The following TBC1D5 variants were observed in gnomAD, a reference collection of about 807,000 sequenced individuals.
The protein encoded by TBC1D5 is TBC1 domain family, member 5.
Under a neutral mutation model 100.3 loss-of-function variants are expected in TBC1D5, and 75 were observed. The observed-to-expected ratio is 0.75, with a 90% CI of 0.62 to 0.91. The LOEUF is 0.91. Among genes scored for constraint, TBC1D5 ranks in the 40% least tolerant of loss-of-function variants. The pLI is 0.00. For missense variants in TBC1D5, 910 were observed against 942.4 expected, an observed-to-expected ratio of 0.97 and a Z score of 0.45; for synonymous variants, 323 against 325.6, an observed-to-expected ratio of 0.99 and a Z score of 0.09.
chr3:17,522,533 G>A (rs2096074431), intron 2 of TBC1D5, among the ~76,000 whole-genome samples: 1 of 152,062 alleles, frequency 6.6e-6, no homozygotes, highest in Non-Finnish European at 1.5e-5. Flanking sequence ...GTCAAAGAAT[G>A]TTTCAAGACT....
At chr3:17,623,412 A>G (rs2062832258) in intron 2 of TBC1D5, among the ~76,000 whole-genome samples, 1 of 152,210 alleles carries the variant, frequency 6.6e-6, no homozygotes, top group Non-Finnish European at 1.5e-5. Context: ...ATCGGAAAAC[A>G]ATTAACTTTC....
chr3:17,365,905 T>C (rs1450257378), intron 13 of TBC1D5, among the ~76,000 whole-genome samples: 1 of 152,204 alleles, frequency 6.6e-6, no homozygotes, highest in Non-Finnish European at 1.5e-5. Context: ...AACTATTTAA[T>C]CTAAATAAGG....
rs555293100 is a variant in TBC1D5 at position 17,474,550 on chromosome 3, A to G, written c.97+33924T>C. Among the ~76,000 whole-genome samples, 25 of 152,286 alleles carry G rather than the reference A, an allele frequency of 1.6e-4. 1 individual carries two copies. In the South Asian group the frequency reaches 5.2e-3, roughly 32 times the overall value. On this transcript the variant is annotated intron_variant, in intron 3 of 21. Coordinates refer to ENST00000253692, the Ensembl canonical transcript of TBC1D5. ...AAAGCTGATATTCAAAAGTAAAAGAAATGAACAGCAACATAGAGAAAACAT... is the reference window on the plus strand; with the variant it reads ...AAAGCTGATATTCAAAAGTAAAAGAGATGAACAGCAACATAGAGAAAACAT...
chr3:17,631,854 G>A (rs1229591980), intron 1 of TBC1D5, among the ~76,000 whole-genome samples: 5 of 152,226 alleles, frequency 3.3e-5, no homozygotes, highest in Non-Finnish European at 2.9e-5. Context: ...CATTGACAAT[G>A]TGCCTGGCCA....
intron 13 of TBC1D5, among the ~76,000 whole-genome samples, chr3:17,361,677 A>G (rs2091728819): frequency 6.6e-6 from 1 of 152,088 alleles, no homozygotes; most frequent in South Asian, 2.1e-4. Context: ...GAAAAATTTA[A>G]AATATCTTGA....
intron 18 of TBC1D5, among the ~76,000 whole-genome samples, chr3:17,203,061 TCA>T (rs147946115): frequency 0.034 from 5,228 of 152,234 alleles, 292 homozygotes; most frequent in African/African-American, 0.12. Flanking sequence ...AATGCCACAG[TCA>T]CTAAATGCCA....
chr3:17,333,924 AGGGAGAATG>A (rs11279910), intron 13 of TBC1D5, among the ~76,000 whole-genome samples: 61,508 of 151,480 alleles, frequency 0.41, 13,032 homozygotes, highest in Middle Eastern at 0.49. Context: ...AGCAAGTAAC[AGGGAGAATG>A]GGCAAGGGTT....
intron 16 of TBC1D5, among the ~76,000 whole-genome samples, chr3:17,244,211 A>G (rs1559478765): frequency 6.6e-6 from 1 of 152,224 alleles, no homozygotes; most frequent in East Asian, 1.9e-4. Context: ...CTTTAGATAC[A>G]CAGCCTAGTT....
chr3:17,308,175 T>G (rs755576033), intron 13 of TBC1D5, 41 bp from the exon 14 acceptor site: 12 of 1,542,358 alleles, frequency 7.8e-6, no homozygotes, highest in Non-Finnish European at 9.5e-6. Flanking sequence ...ACAGTACTTT[T>G]GAGAATAAAG....
intron 15 of TBC1D5, among the ~76,000 whole-genome samples, chr3:17,259,146 T>C (rs1366725458): frequency 6.6e-6 from 1 of 152,216 alleles, no homozygotes; most frequent in African/African-American, 2.4e-5. Context: ...TAATAAATGG[T>C]CAAAATATGC....
chr3:17,416,389 T>C (rs2094072168), intron 4 of TBC1D5, among the ~76,000 whole-genome samples: 1 of 152,212 alleles, frequency 6.6e-6, no homozygotes. Context: ...AATAGCTTCA[T>C]ATTGCCAGTA....
At chr3:17,411,876 T>TA (rs1394501184) in intron 4 of TBC1D5, among the ~76,000 whole-genome samples, 1 of 152,174 alleles carries the variant, frequency 6.6e-6, no homozygotes, top group Non-Finnish European at 1.5e-5. Flanking sequence ...CATGGGTACT[T>TA]ACAGTTCTAA....
intron 2 of TBC1D5, among the ~76,000 whole-genome samples, chr3:17,513,746 T>C (rs2095944030): frequency 6.6e-6 from 1 of 152,208 alleles, no homozygotes; most frequent in Non-Finnish European, 1.5e-5. Context: ...AATGGACTAC[T>C]TTCAGAGTCG....
At chr3:17,412,835 G>C (rs2093969509) in intron 4 of TBC1D5, among the ~76,000 whole-genome samples, 1 of 152,084 alleles carries the variant, frequency 6.6e-6, no homozygotes, top group Non-Finnish European at 1.5e-5. Flanking sequence ...GAATAACATG[G>C]AAGTAACCAC....
At chr3:17,248,601 T>C (rs1052724000) in intron 16 of TBC1D5, among the ~76,000 whole-genome samples, 2 of 152,190 alleles carry the variant, frequency 1.3e-5, no homozygotes, top group African/African-American at 4.8e-5. Flanking sequence ...TTAGCAGGCA[T>C]GGAAACAACA....
In TBC1D5 at chr3:17,573,594, T is replaced by C. The variant is rs117518595; in HGVS notation, c.-36+50255A>G. 1.1e-3 allele frequency among the ~76,000 whole-genome samples: 175 copies of C among 152,240 alleles called. 1 individual carries two copies. In the East Asian group the frequency reaches 0.03, roughly 26 times the overall value. On this transcript the variant is annotated intron_variant, in intron 2 of 21. Transcript: ENST00000253692. Reference sequence around the variant, plus strand: ...TATTTATAGCCTCAGGTCTCATTCTTACTCAATTTGCAAACTCAAACTACT... The same window carrying C: ...TATTTATAGCCTCAGGTCTCATTCTCACTCAATTTGCAAACTCAAACTACT...
chr3:17,448,645 AT>A (rs1283005812), intron 3 of TBC1D5, among the ~76,000 whole-genome samples: 5 of 152,236 alleles, frequency 3.3e-5, no homozygotes, highest in African/African-American at 7.2e-5. Flanking sequence ...AAGAGAAGTC[AT>A]TTTTGAAAGG....
At chr3:17,401,498 A>G (rs1294427255) in intron 8 of TBC1D5, among the ~76,000 whole-genome samples, 1 of 152,044 alleles carries the variant, frequency 6.6e-6, no homozygotes, top group Non-Finnish European at 1.5e-5. Context: ...CAAAGCAGAA[A>G]TGTTCGAACT....
At chr3:17,690,205 T>TA (rs1371002233) in intron 1 of TBC1D5, among the ~76,000 whole-genome samples, 4 of 22,910 alleles carry the variant, frequency 1.7e-4, no homozygotes, top group African/African-American at 5.0e-4. Context: ...AATAGCCATA[T>TA]TTTTTTTTTT....
Sources: allele counts gnomAD v4.1 joint callset (sites outside exome capture counted in the v4.1 genomes callset), GRCh38; gene constraint gnomAD v4.1.1; transcripts MANE v1.5; gene names NCBI Gene and HGNC (gene_info 2026-07-23, HGNC 2026-07-21).